The following SCFD2 variants were observed in gnomAD, a reference collection of about 807,000 sequenced individuals.
The protein encoded by SCFD2 is sec1 family domain containing 2.
In SCFD2, 54 loss-of-function variants were observed where a neutral mutation model predicts 58.9. The observed-to-expected ratio is 0.92, with a 90% CI of 0.74 to 1.15. The LOEUF is 1.15. SCFD2 is among the 50% of genes most tolerant of loss of function. The probability of loss-of-function intolerance (pLI) is 0.00; values close to 1 mark genes in which losing one functional copy is unlikely to be tolerated. For synonymous variants in SCFD2, 321 were observed against 335.9 expected, an observed-to-expected ratio of 0.96 and a Z score of 0.49; for missense variants, 805 against 836.6, an observed-to-expected ratio of 0.96 and a Z score of 0.47.
chr4:53,174,549 G>C (rs1577802988), intron 4 of SCFD2, among the ~76,000 whole-genome samples: 1 of 152,120 alleles, frequency 6.6e-6, no homozygotes, highest in East Asian at 1.9e-4. Context: ...CAAAATGTTA[G>C]TCATCTTTGT....
chr4:52,951,300 A>G (rs1487590586), intron 5 of SCFD2, among the ~76,000 whole-genome samples: 1 of 152,210 alleles, frequency 6.6e-6, no homozygotes, highest in African/African-American at 2.4e-5. Context: ...AGTTTGGCTA[A>G]GACACGGAGA....
At chr4:53,345,573 T>C (rs1734031454) in intron 2 of SCFD2, among the ~76,000 whole-genome samples, 1 of 152,152 alleles carries the variant, frequency 6.6e-6, no homozygotes, top group African/African-American at 2.4e-5. Flanking sequence ...GAAATACCAT[T>C]TGACCCAGCA....
intron 2 of SCFD2, 102 bp from the exon 3 acceptor site, chr4:53,313,865 G>A (rs150918158): frequency 2.7e-6 from 3 of 1,105,740 alleles, no homozygotes; most frequent in African/African-American, 3.1e-5. Context: ...GAGCATTAAT[G>A]TAGTCTTTCC....
intron 4 of SCFD2, among the ~76,000 whole-genome samples, chr4:53,253,503 T>C (rs1029371153): frequency 6.6e-6 from 1 of 152,078 alleles, no homozygotes; most frequent in African/African-American, 2.4e-5. Context: ...TGTCCAACAA[T>C]GATAGACTGG....
At chr4:53,270,818 A>C (rs1488986904) in intron 4 of SCFD2, among the ~76,000 whole-genome samples, 1 of 152,234 alleles carries the variant, frequency 6.6e-6, no homozygotes, top group African/African-American at 2.4e-5. Context: ...TGGATTTAAA[A>C]ACACTGATGG....
At chr4:53,209,298 A>C (rs1158094956) in intron 4 of SCFD2, among the ~76,000 whole-genome samples, 5 of 152,120 alleles carry the variant, frequency 3.3e-5, no homozygotes, top group Admixed American at 3.3e-4. Context: ...ACACTAGATG[A>C]GGGGGCGGCA....
At chr4:53,114,590 T>C (rs185587420) in intron 5 of SCFD2, among the ~76,000 whole-genome samples, 1 of 152,244 alleles carries the variant, frequency 6.6e-6, no homozygotes, top group East Asian at 1.9e-4. Context: ...GAACATTTTT[T>C]AAAGGCTGAA....
chr4:53,250,655 A>G (rs1730329674), intron 4 of SCFD2, among the ~76,000 whole-genome samples: 1 of 152,224 alleles, frequency 6.6e-6, no homozygotes, highest in Non-Finnish European at 1.5e-5. Context: ...CTGGGTAAAT[A>G]ATGAAATGAA....
At chr4:53,306,706 T>C (rs537502131) in intron 3 of SCFD2, among the ~76,000 whole-genome samples, 23 of 152,274 alleles carry the variant, frequency 1.5e-4, no homozygotes, top group African/African-American at 5.1e-4. Flanking sequence ...CACTTAACTA[T>C]ATCACATCAT....
chr4:52,921,120 A>C (rs992867641), intron 5 of SCFD2, among the ~76,000 whole-genome samples: 17 of 152,188 alleles, frequency 1.1e-4, no homozygotes, highest in African/African-American at 4.1e-4. Context: ...CTGGGATTTC[A>C]GCCACTGGCT....
At chr4:53,067,061 G>A (rs544712788) in intron 5 of SCFD2, among the ~76,000 whole-genome samples, 2 of 152,174 alleles carry the variant, frequency 1.3e-5, no homozygotes, top group South Asian at 4.2e-4. Context: ...TGGTTAGCCA[G>A]TTACTACTGG....
intron 2 of SCFD2, among the ~76,000 whole-genome samples, chr4:53,323,858 T>A (rs1393253800): frequency 6.6e-6 from 1 of 152,096 alleles, no homozygotes; most frequent in African/African-American, 2.4e-5. Flanking sequence ...GAAACCACTT[T>A]GAAAGGCTCC....
At chr4:53,244,926 T>C (rs1577888256) in intron 4 of SCFD2, among the ~76,000 whole-genome samples, 1 of 145,720 alleles carries the variant, frequency 6.9e-6, no homozygotes, top group Non-Finnish European at 1.6e-5. Flanking sequence ...AAAGGGGATA[T>C]TACCACTCAC....
At chr4:53,306,696 C>A (rs1036808330) in intron 3 of SCFD2, among the ~76,000 whole-genome samples, 1 of 152,136 alleles carries the variant, frequency 6.6e-6, no homozygotes, top group African/African-American at 2.4e-5. Flanking sequence ...GATCCACACA[C>A]ACTTAACTAT....
intron 4 of SCFD2, among the ~76,000 whole-genome samples, chr4:53,241,768 G>A (rs1218420505): frequency 2.6e-5 from 4 of 152,178 alleles, no homozygotes; most frequent in African/African-American, 9.7e-5. Context: ...TCCTCCTGCT[G>A]CACCACCATT....
intron 4 of SCFD2, among the ~76,000 whole-genome samples, chr4:53,229,139 G>A (rs1365958497): frequency 2.0e-5 from 3 of 152,118 alleles, no homozygotes; most frequent in Non-Finnish European, 4.4e-5. Flanking sequence ...ACAAATGGAA[G>A]AACATCCCAT....
chr4:52,969,917 A>T (rs146438471), intron 5 of SCFD2, among the ~76,000 whole-genome samples: 82 of 152,328 alleles, frequency 5.4e-4, no homozygotes, highest in African/African-American at 2.0e-3. Flanking sequence ...AAAAATGAAA[A>T]TCACTGTTAG....
chr4:53,177,420 G>C (rs1321397998), intron 4 of SCFD2, among the ~76,000 whole-genome samples: 1 of 116,132 alleles, frequency 8.6e-6, no homozygotes, highest in Non-Finnish European at 1.8e-5. Context: ...GAAGGGAGAG[G>C]GTATTAAGGT....
At chr4:52,895,193 T>A (rs1334492038) in intron 7 of SCFD2, among the ~76,000 whole-genome samples, 1 of 152,290 alleles carries the variant, frequency 6.6e-6, no homozygotes, top group South Asian at 2.1e-4. Flanking sequence ...TTTTATACTT[T>A]AAGTTTTAGG....
Sources: gnomAD v4.1 joint callset for allele counts (sites outside exome capture counted in the v4.1 genomes callset) on GRCh38, gnomAD v4.1.1 for gene constraint, MANE v1.5 for transcripts, NCBI Gene and HGNC (gene_info 2026-07-23, HGNC 2026-07-21) for gene names.